Variants in NAV3 observed in about 807,000 individuals in gnomAD.
NAV3 encodes neuron navigator 3.
A neutral mutation model predicts 244.7 loss-of-function variants in NAV3; 87 were observed. That is an observed-to-expected ratio of 0.36 (90% CI 0.30 to 0.42). The LOEUF (loss-of-function observed/expected upper bound fraction) is 0.42. Among genes scored for constraint, NAV3 ranks in the 20% least tolerant of loss-of-function variants. The pLI, the probability that NAV3 is intolerant of heterozygous loss-of-function variation, is 1.00. For missense variants in NAV3, 2,663 were observed against 2,893.3 expected, an observed-to-expected ratio of 0.92 and a Z score of 1.83; for synonymous variants, 1,126 against 1,042.2, an observed-to-expected ratio of 1.08 and a Z score of -1.55.
intron 2 of NAV3, among the ~76,000 whole-genome samples, chr12:77,675,726 G>T (rs1313327075): frequency 6.6e-6 from 1 of 152,184 alleles, no homozygotes; most frequent in African/African-American, 2.4e-5. Flanking sequence ...TTCCCCTGCT[G>T]TGATGGTGTC....
intron 5 of NAV3, among the ~76,000 whole-genome samples, chr12:77,988,710 C>A (rs1313756295): frequency 6.6e-6 from 1 of 152,132 alleles, no homozygotes; most frequent in Non-Finnish European, 1.5e-5. Flanking sequence ...CTCTTCAATT[C>A]AGACATCTAA....
chr12:77,777,492 C>G (rs1037940301), intron 2 of NAV3, among the ~76,000 whole-genome samples: 1 of 152,114 alleles, frequency 6.6e-6, no homozygotes, highest in Non-Finnish European at 1.5e-5. Context: ...TGACTAACAT[C>G]CTGAGTTAGA....
Position 78,198,693 on chromosome 12 carries a change from GGTTTTTTTGTTTT to G in NAV3, c.6518+33_6518+45del, listed in dbSNP as rs1959251615. 1.0e-5 allele frequency: 14 copies of G among 1,402,768 alleles called. No individual in the cohort carries two copies. Among genetic ancestry groups the G allele is most frequent in the South Asian group, 6.3e-5 (5 of 79,864 alleles). 86.9% of individuals were successfully genotyped at this position (1,402,768 alleles called of 1,614,324 possible). On this transcript the variant is annotated intron_variant, in intron 36 of 39. Coordinates refer to ENST00000397909, the MANE Select transcript of NAV3 (RefSeq NM_001024383.2). ...CAATTTCAGGTAAAGTTAAGTTGAA[GGTTTTTTTGTTTT>G]GTTTTTTTGTTTTGTGTTGGGGGGG...
chr12:78,179,430 C>G, intron 28 of NAV3, 99 bp from the exon 29 acceptor site: 2 of 1,430,894 alleles, frequency 1.4e-6, no homozygotes, highest in African/African-American at 1.4e-5. Context: ...ATATCTGTAC[C>G]TGCTGGAGAA....
At chr12:77,881,544 A>T (rs1446177244) in intron 1 of NAV3, among the ~76,000 whole-genome samples, 1 of 152,076 alleles carries the variant, frequency 6.6e-6, no homozygotes, top group African/African-American at 2.4e-5. Flanking sequence ...CACTCTCACC[A>T]CTCCTATTCA....
chr12:78,164,889 C>G (rs534491963), intron 23 of NAV3, among the ~76,000 whole-genome samples: 1 of 152,092 alleles, frequency 6.6e-6, no homozygotes, highest in East Asian at 1.9e-4. Flanking sequence ...TTGTCCCAAG[C>G]TTTGGGATTC....
chr12:78,086,939 T>C (rs1483090332), intron 12 of NAV3, among the ~76,000 whole-genome samples: 3 of 152,060 alleles, frequency 2.0e-5, no homozygotes, highest in Non-Finnish European at 4.4e-5. Flanking sequence ...TATTTTTGAA[T>C]TAACTGCCTA....
Position 77,621,668 on chromosome 12 carries a change from C to T in NAV3, c.72+49402C>T, listed in dbSNP as rs191702576. Among the ~76,000 whole-genome samples the T allele has an allele frequency of 1.3e-4, 19 of 151,992 alleles. No homozygotes were observed. In the East Asian group the frequency reaches 2.5e-3, roughly 20 times the overall value. ...CTAATTTTTGTATTTTTATTAGAGA[C>T]GGGGTTTCACCATGTTGGCCAGAAT... On this transcript the variant is annotated intron_variant, in intron 2 of 8. Transcript: ENST00000550042.
At chr12:78,151,554 C>A (rs1260491914) in intron 22 of NAV3, among the ~76,000 whole-genome samples, 1 of 151,764 alleles carries the variant, frequency 6.6e-6, no homozygotes, top group African/African-American at 2.4e-5. Flanking sequence ...TTGTATAATT[C>A]CATTTATATA....
At chr12:77,663,284 A>T (rs1402539479) in intron 2 of NAV3, among the ~76,000 whole-genome samples, 1 of 152,230 alleles carries the variant, frequency 6.6e-6, no homozygotes, top group Non-Finnish European at 1.5e-5. Context: ...TCATATTCTG[A>T]CTACTATGTG....
At chr12:77,613,215 A>C (rs956341058) in intron 2 of NAV3, among the ~76,000 whole-genome samples, 1 of 152,192 alleles carries the variant, frequency 6.6e-6, no homozygotes. Context: ...TTTGCTCAGA[A>C]TAGAATTCTA....
At chr12:77,712,838 C>T (rs73410464) in intron 2 of NAV3, among the ~76,000 whole-genome samples, 3,824 of 152,210 alleles carry the variant, frequency 0.025, 91 homozygotes, top group African/African-American at 0.06. Context: ...GACATATAGG[C>T]GAGCAAGTTA....
chr12:77,650,818 TAGAG>T (rs1872789578), intron 2 of NAV3, among the ~76,000 whole-genome samples: 2 of 152,216 alleles, frequency 1.3e-5, no homozygotes, highest in South Asian at 4.1e-4. Flanking sequence ...ATGAAGATCA[TAGAG>T]AAAGTCTTAT....
At chr12:77,909,698 T>C (rs1486921331) in intron 1 of NAV3, among the ~76,000 whole-genome samples, 1 of 152,088 alleles carries the variant, frequency 6.6e-6, no homozygotes, top group Non-Finnish European at 1.5e-5. Context: ...TTTATGACTT[T>C]CTTGTATAAA....
intron 2 of NAV3, among the ~76,000 whole-genome samples, chr12:77,768,528 C>G (rs1339186168): frequency 6.6e-6 from 1 of 152,200 alleles, no homozygotes; most frequent in Non-Finnish European, 1.5e-5. Flanking sequence ...AGCAGCACCC[C>G]AAGCACATGC....
intron 8 of NAV3, among the ~76,000 whole-genome samples, chr12:78,008,374 T>G (rs1163030436): frequency 6.6e-6 from 1 of 152,134 alleles, no homozygotes; most frequent in East Asian, 1.9e-4. Flanking sequence ...ACACTTTGCT[T>G]GTTGTTCTGT....
intron 24 of NAV3, among the ~76,000 whole-genome samples, chr12:78,169,140 T>C (rs1388444081): frequency 6.6e-6 from 1 of 151,744 alleles, no homozygotes; most frequent in Non-Finnish European, 1.5e-5. Context: ...TATACACATC[T>C]CTCTACTTGA....
At chr12:77,983,804 C>G (rs1019440988) in intron 5 of NAV3, among the ~76,000 whole-genome samples, 5 of 152,100 alleles carry the variant, frequency 3.3e-5, no homozygotes, top group South Asian at 2.1e-4. Flanking sequence ...TTGCTAAGTT[C>G]TTAAGTGTAA....
intron 11 of NAV3, among the ~76,000 whole-genome samples, chr12:78,053,072 G>T (rs1171186312): frequency 6.6e-6 from 1 of 151,832 alleles, no homozygotes; most frequent in Non-Finnish European, 1.5e-5. Context: ...AGTTAGCCAG[G>T]CATGGTGGCT....
Sources: allele counts gnomAD v4.1 joint callset (sites outside exome capture counted in the v4.1 genomes callset), GRCh38; gene constraint gnomAD v4.1.1; transcripts MANE v1.5; gene names NCBI Gene and HGNC (gene_info 2026-07-23, HGNC 2026-07-21).